The following APOL3 variants were observed in gnomAD, a reference collection of about 807,000 sequenced individuals.
APOL3 encodes TNF-inducible protein CG12-1.
A neutral mutation model predicts 11.6 loss-of-function variants in APOL3; 14 were observed. That is an observed-to-expected ratio of 1.21 (90% confidence interval 0.80 to 1.89). The LOEUF is 1.89. Ranked by LOEUF, APOL3 falls within the 40% of genes most tolerant of loss-of-function variation. The probability of loss-of-function intolerance (pLI) is 0.00; values close to 1 mark genes in which losing one functional copy is unlikely to be tolerated. For missense variants in APOL3, 483 were observed against 492.1 expected (o/e 0.98, Z 0.17); for synonymous variants, 192 against 190.6 (o/e 1.01, Z -0.06).
intron 1 of APOL3, chr22:36,153,299 G>A: frequency 2.7e-5 from 12 of 440,570 alleles, no homozygotes; most frequent in South Asian, 1.9e-4. Context: ...ATAATGGTTT[G>A]GATTGTGGTG....
intron 1 of APOL3, among the ~76,000 whole-genome samples, chr22:36,147,577 G>T (rs2060267104): frequency 6.6e-6 from 1 of 152,194 alleles, no homozygotes; most frequent in South Asian, 2.1e-4. Context: ...TGCTGTCCAG[G>T]GCGGCTCCTG....
intron 1 of APOL3, among the ~76,000 whole-genome samples, chr22:36,151,317 G>A (rs930565615): frequency 1.3e-5 from 2 of 152,104 alleles, no homozygotes; most frequent in South Asian, 2.1e-4. Flanking sequence ...TGGGGAAAAG[G>A]TCAAGATAAC....
chr22:36,158,420 G>A (rs2013251708), intron 1 of APOL3, among the ~76,000 whole-genome samples: 1 of 152,174 alleles, frequency 6.6e-6, no homozygotes, highest in African/African-American at 2.4e-5. Context: ...CAGGGACAGG[G>A]GCTTTAGAGG....
chr22:36,165,861 GA>G (rs1236387569), upstream of APOL3: 2 of 152,186 alleles, frequency 1.3e-5, no homozygotes, highest in African/African-American at 4.8e-5. Flanking sequence ...TCTAAAGGGG[GA>G]AATATTAGGT....
At chr22:36,141,650 G>T in exon 3 of APOL3, 1 of 1,614,094 alleles carries the variant, frequency 6.2e-7, no homozygotes, top group Non-Finnish European at 8.5e-7. Flanking sequence ...CAGTCAGCCT[G>T]CTGGCTTCAG....
chr22:36,164,293 T>C (rs2013804215), upstream of APOL3, among the ~76,000 whole-genome samples: 1 of 152,184 alleles, frequency 6.6e-6, no homozygotes, highest in South Asian at 2.1e-4. Context: ...CAGAAACATT[T>C]CCAGCCCCCA....
chr22:36,150,653 G>A (rs931768969), intron 1 of APOL3, among the ~76,000 whole-genome samples: 5 of 152,166 alleles, frequency 3.3e-5, no homozygotes, highest in African/African-American at 4.8e-5. Flanking sequence ...GGTGGATCAC[G>A]AGGTCAGGAG....
intron 1 of APOL3, chr22:36,156,863 C>T (rs752353160): frequency 4.5e-5 from 20 of 444,562 alleles, no homozygotes; most frequent in Non-Finnish European, 6.4e-5. Context: ...CTCTGCCCTC[C>T]GTGGCACAGC....
intron 1 of APOL3, chr22:36,159,402 A>T (rs915617873): frequency 1.3e-5 from 2 of 152,200 alleles, no homozygotes; most frequent in African/African-American, 4.8e-5. Context: ...GGGAAGGTCA[A>T]CACCTGACCT....
At chr22:36,161,014 A>G (rs2013664509), upstream of APOL3, 2 of 807,082 alleles carry the variant, frequency 2.5e-6, no homozygotes, top group Non-Finnish European at 4.0e-6. Flanking sequence ...TGTCTTCAGG[A>G]AGAAAGACCT....
rs761147237 is a variant in APOL3 at position 36,141,476 on chromosome 22, G to A, written c.933C>T (p.Thr311=). Residue 311 remains threonine, a synonymous_variant, in exon 3 of 3, where the codon ACC becomes ACT. Transcript: ENST00000349314. ...CACCACTTCCAGCTGAGATTCGCCAGGTGGTCACAGGGAGTCGGGCCCTGG... is the reference window on the plus strand; with the variant it reads ...CACCACTTCCAGCTGAGATTCGCCAAGTGGTCACAGGGAGTCGGGCCCTGG... 11 of 1,614,214 alleles carry A rather than the reference G, an allele frequency of 6.8e-6. No individual in the cohort carries two copies. In the East Asian group the frequency reaches 2.2e-4, roughly 33 times the overall value.
At chr22:36,143,634 G>A (rs2060082102) in intron 2 of APOL3, among the ~76,000 whole-genome samples, 1 of 152,162 alleles carries the variant, frequency 6.6e-6, no homozygotes, top group African/African-American at 2.4e-5. Context: ...TCCAGCCACT[G>A]CCCCCTTTGA....
At chr22:36,145,496 G>A (rs61731691) in exon 2 of APOL3, 22 of 1,613,938 alleles carry the variant, frequency 1.4e-5, no homozygotes, top group Non-Finnish European at 1.4e-5. Flanking sequence ...CCGCAGTCAC[G>A]AATCTCTTCC....
chr22:36,155,854 C>T (rs2012716729), intron 1 of APOL3: 1 of 158,376 alleles, frequency 6.3e-6, no homozygotes, highest in Non-Finnish European at 1.4e-5. Flanking sequence ...TGAACTAGGA[C>T]ACAGCATGTC....
intron 1 of APOL3, among the ~76,000 whole-genome samples, chr22:36,151,107 T>C (rs1300421097): frequency 6.6e-6 from 1 of 152,108 alleles, no homozygotes; most frequent in East Asian, 1.9e-4. Flanking sequence ...CCATACAGGA[T>C]TCACAGTAGC....
At chr22:36,145,809 C>T (rs1045678290) in intron 1 of APOL3, among the ~76,000 whole-genome samples, 4 of 151,896 alleles carry the variant, frequency 2.6e-5, no homozygotes, top group Non-Finnish European at 4.4e-5. Context: ...GGAGATTGAG[C>T]CTTTAAGGAA....
chr22:36,153,420 C>G, intron 1 of APOL3: 1 of 456,040 alleles, frequency 2.2e-6, no homozygotes, highest in Non-Finnish European at 4.4e-6. Flanking sequence ...CTGGGGTAAC[C>G]AAGCTGCTAA....
chr22:36,157,638 T>C (rs1166084985), intron 1 of APOL3, among the ~76,000 whole-genome samples: 1 of 152,092 alleles, frequency 6.6e-6, no homozygotes, highest in Non-Finnish European at 1.5e-5. Flanking sequence ...AGAACATCAT[T>C]CAAGAGCCAG....
At chr22:36,141,288 T>A (rs1196969882) in exon 3 of APOL3, 3 of 1,614,164 alleles carry the variant, frequency 1.9e-6, no homozygotes, top group Non-Finnish European at 2.5e-6. Context: ...CCGCCTCAGC[T>A]CCTCAGCAGA....
Sources: gnomAD v4.1 joint callset for allele counts (sites outside exome capture counted in the v4.1 genomes callset) on GRCh38, gnomAD v4.1.1 for gene constraint, MANE v1.5 for transcripts, NCBI Gene and HGNC (gene_info 2026-07-23, HGNC 2026-07-21) for gene names.